ZNF202: variants seen among roughly 807,000 people sequenced by gnomAD.
ZNF202 encodes the protein zinc finger protein with KRAB and SCAN domains 10.
ZNF202 carries 22 observed loss-of-function variants against 54.5 expected under a neutral mutation model. That is an observed-to-expected ratio of 0.40 (90% CI 0.29 to 0.58). ZNF202 has a LOEUF of 0.58. Among genes scored for constraint, ZNF202 ranks in the 20% least tolerant of loss-of-function variants. The pLI is 0.39. For synonymous variants in ZNF202, 294 were observed against 301.4 expected (o/e 0.98, Z 0.26); for missense variants, 644 against 805.5 (o/e 0.80, Z 2.43).
chr11:123,730,458 T>C lies in ZNF202; in HGVS notation c.402+29A>G. 1 of 1,500,604 alleles carries C rather than the reference T, an allele frequency of 6.7e-7. No homozygotes were observed. Among genetic ancestry groups the C allele is most frequent in the Non-Finnish European group, 8.9e-7 (1 of 1,126,372 alleles). The allele number at this position is 1,500,604 out of a possible 1,614,324, so 93.0% of individuals were successfully genotyped here. On this transcript the variant is annotated intron_variant, in intron 4 of 8. Coordinates refer to ENST00000530393, the MANE Select transcript of ZNF202 (RefSeq NM_003455.4). This position sits in a 1 kb window ranked among gnomAD's most constrained non-coding sequence, Gnocchi z 6.0. ...TTCCAGCAAATAGTCCCCCTCCACA[T>C]CACACAGATCAGGACTCCCCCTCCT...
chr11:123,727,343 G>C (rs1591374369), intron 8 of ZNF202, 133 bp downstream of exon 8: 3 of 1,265,380 alleles, frequency 2.4e-6, no homozygotes, highest in Non-Finnish European at 3.2e-6. Flanking sequence ...AGAAATGGCT[G>C]TCAGAGGGAG....
At chr11:123,737,804 T>C (rs1156776976) in intron 3 of ZNF202, among the ~76,000 whole-genome samples, 13 of 152,316 alleles carry the variant, frequency 8.5e-5, no homozygotes, top group Non-Finnish European at 2.9e-5. Context: ...TAAAGAGGTG[T>C]CATCTTGGAC....
At chr11:123,728,964 T>C (rs951828179) in intron 6 of ZNF202, among the ~76,000 whole-genome samples, 162 bp downstream of exon 6, 3 of 152,224 alleles carry the variant, frequency 2.0e-5, no homozygotes, top group African/African-American at 4.8e-5. Flanking sequence ...TAAGGTATGA[T>C]AATTTATCTC....
chr11:123,734,605 G>C (rs1270520388), intron 3 of ZNF202, among the ~76,000 whole-genome samples: 2 of 152,228 alleles, frequency 1.3e-5, no homozygotes, highest in South Asian at 4.1e-4. Context: ...CCCTATCACA[G>C]CATGCACATG....
chr11:123,736,247 T>C (rs765902227), intron 3 of ZNF202, among the ~76,000 whole-genome samples: 4 of 152,200 alleles, frequency 2.6e-5, no homozygotes, highest in Non-Finnish European at 5.9e-5. Context: ...GCTAGGGTGA[T>C]CTTTCTGGAC....
At chr11:123,734,424 GTTC>G (rs1861546650) in intron 3 of ZNF202, among the ~76,000 whole-genome samples, 1 of 152,152 alleles carries the variant, frequency 6.6e-6, no homozygotes, top group African/African-American at 2.4e-5. Context: ...AAGAATTACT[GTTC>G]TTTCTTTTCT....
chr11:123,740,616 C>T (rs1364712080), intron 1 of ZNF202, 80 bp from the exon 2 acceptor site: 1 of 152,310 alleles, frequency 6.6e-6, no homozygotes, highest in African/African-American at 2.4e-5. Flanking sequence ...CGCTGCTCCC[C>T]AGGACCAAGG....
rs369526215 is a variant in ZNF202, at chr11:123,726,204, G to A, written c.1740C>T (p.Phe580=). 41 of 1,614,062 alleles carry A rather than the reference G, an allele frequency of 2.5e-5. No homozygotes were observed. The highest frequency in any genetic ancestry group is 1.6e-4 in the Middle Eastern group (1 of 6,084). ...CGRCFTHSAA[F]AKHLRGHASV... ...AGGCGTGTCCTCTCAAGTGCTTGGCGAACGCTGCGCTGTGGGTGAAGCAGC... is the reference window on the plus strand; with the variant it reads ...AGGCGTGTCCTCTCAAGTGCTTGGCAAACGCTGCGCTGTGGGTGAAGCAGC... Residue 580 remains phenylalanine (F), a synonymous_variant, in exon 9 of 9, where the codon TTC becomes TTT. Coordinates refer to ENST00000530393, the MANE Select transcript of ZNF202 (RefSeq NM_003455.4). This position sits in a 1 kb window ranked among gnomAD's most constrained non-coding sequence, Gnocchi z 6.0.
chr11:123,740,761 T>C (rs1861827426), intron 1 of ZNF202, among the ~76,000 whole-genome samples: 1 of 152,230 alleles, frequency 6.6e-6, no homozygotes. Context: ...GACTGACACC[T>C]TTCTGAAGGA....
In ZNF202 at chr11:123,726,119, C is replaced by G. The variant is rs781278559; in HGVS notation, c.1825G>C (p.Val609Leu). 2.9e-5 allele frequency: 47 copies of G among 1,614,060 alleles called. No individual in the cohort carries two copies. The highest frequency in any genetic ancestry group is 3.2e-5 in the Non-Finnish European group (38 of 1,180,046). Residue 609 changes from valine to leucine, a missense_variant, in exon 9 of 9, where the codon GTC becomes CTC. Coordinates refer to ENST00000530393, the MANE Select transcript of ZNF202 (RefSeq NM_003455.4). This position sits in a 1 kb window ranked among gnomAD's most constrained non-coding sequence, Gnocchi z 6.0. ...CCAGTGTGTGTTCTCTGATGCCTGA[C>G]GAGGTGGTCCCTGCGACTGAAGCTC... ...GKSFSRRDHL[V>L]RHQRTHTGEK...
At position 123,730,923 on chromosome 11, in the gene ZNF202, G is replaced by A. The variant is rs373664863; in HGVS notation, c.-35C>T. On this transcript the variant is annotated 5_prime_UTR_variant, in exon 4 of 9. Coordinates refer to ENST00000530393, the MANE Select transcript of ZNF202 (RefSeq NM_003455.4). The surrounding 1 kb of genome is among the most constrained non-coding windows in gnomAD (Gnocchi z 6.0). ...TTGGGGTGGTCTCACACCATCTAGA[G>A]CTCACACTGTCATTAGCCCCCCGCC... 6.9e-6 allele frequency: 11 copies of A among 1,583,200 alleles called. No homozygotes were observed. In the African/African-American group the frequency reaches 1.1e-4, roughly 16 times the overall value.
chr11:123,741,380 C>T (rs1413595592), intron 1 of ZNF202, among the ~76,000 whole-genome samples, 169 bp downstream of exon 1: 5 of 152,114 alleles, frequency 3.3e-5, no homozygotes, highest in Non-Finnish European at 5.9e-5. Context: ...CGTCTCGGCA[C>T]CCTCAGTACA....
At position 123,725,220 on chromosome 11, in the gene ZNF202, G is replaced by C. The variant is rs1020589599; in HGVS notation, c.*777C>G. 1 of 152,088 alleles carries C rather than the reference G, an allele frequency of 6.6e-6. No individual in the cohort carries two copies. The highest frequency in any genetic ancestry group is 1.5e-5 in the Non-Finnish European group (1 of 68,008). 9.4% of individuals were successfully genotyped at this position (152,088 alleles called of 1,614,324 possible). A position where few individuals can be genotyped will look rare whatever the true frequency, so the allele number is the denominator to read the frequency against. On this transcript the variant is annotated 3_prime_UTR_variant, in exon 9 of 9. Transcript: ENST00000530393. ...GCAACCAAGAGACTGGTTGAATAACGGGAAGGTTAAATGCATGAGTATTTT... is the reference window on the plus strand; with the variant it reads ...GCAACCAAGAGACTGGTTGAATAACCGGAAGGTTAAATGCATGAGTATTTT...
intron 6 of ZNF202, 144 bp from the exon 7 acceptor site, chr11:123,728,406 G>A (rs1294168033): frequency 5.4e-6 from 6 of 1,106,074 alleles, no homozygotes; most frequent in Admixed American, 3.6e-5. Context: ...ATTCTCGGGG[G>A]AGCCATGTGT....
intron 3 of ZNF202, among the ~76,000 whole-genome samples, chr11:123,731,308 T>C (rs1144506): frequency 0.55 from 83,649 of 152,070 alleles, 23,660 homozygotes; most frequent in Middle Eastern, 0.73. Flanking sequence ...CTGCTTTAGT[T>C]TGAGCCTTCA....
chr11:123,737,762 G>A (rs1861692205), intron 3 of ZNF202, among the ~76,000 whole-genome samples: 1 of 152,236 alleles, frequency 6.6e-6, no homozygotes, highest in Non-Finnish European at 1.5e-5. Flanking sequence ...TCGGCGGAGG[G>A]TGACCTGTGT....
chr11:123,738,160 G>C (rs1428176769), intron 3 of ZNF202, among the ~76,000 whole-genome samples: 1 of 152,120 alleles, frequency 6.6e-6, no homozygotes, highest in Non-Finnish European at 1.5e-5. Flanking sequence ...TACAGCACAT[G>C]CCACCATGCC....
At chr11:123,731,632 C>T (rs1202056549) in intron 3 of ZNF202, among the ~76,000 whole-genome samples, 1 of 152,110 alleles carries the variant, frequency 6.6e-6, no homozygotes, top group Admixed American at 6.5e-5. Context: ...AGAGTGGGAC[C>T]ATAGGCAAGT....
chr11:123,740,940 G>GA (rs5795384), intron 1 of ZNF202, among the ~76,000 whole-genome samples: 80,684 of 151,712 alleles, frequency 0.53, 22,021 homozygotes, highest in Middle Eastern at 0.73. Context: ...GGCTTGAGGG[G>GA]ACCTCAGGGT....
Sources: allele counts gnomAD v4.1 joint callset (sites outside exome capture counted in the v4.1 genomes callset), GRCh38; gene constraint gnomAD v4.1.1; non-coding constraint Gnocchi (gnomAD v3.1); transcripts MANE v1.5; gene names NCBI Gene and HGNC (gene_info 2026-07-23, HGNC 2026-07-21).